SLC6A16: variants seen among roughly 807,000 people sequenced by gnomAD.
SLC6A16 encodes orphan sodium- and chloride-dependent neurotransmitter transporter NTT5.
SLC6A16 carries 54 observed loss-of-function variants against 65.4 expected under a neutral mutation model. The observed-to-expected ratio is 0.83, with a 90% CI of 0.66 to 1.04. The LOEUF (loss-of-function observed/expected upper bound fraction) is 1.04. Ranked by LOEUF, SLC6A16 falls within the 50% of genes least tolerant of loss-of-function variation. The probability of loss-of-function intolerance (pLI) is 0.00; values close to 1 mark genes in which losing one functional copy is unlikely to be tolerated. For synonymous variants in SLC6A16, 330 were observed against 346.5 expected, an observed-to-expected ratio of 0.95 and a Z score of 0.53; for missense variants, 816 against 914.0, an observed-to-expected ratio of 0.89 and a Z score of 1.38.
chr19:49,335,917 G>A, the SLC6A16 span: 15 of 740,144 alleles, frequency 2.0e-5, no homozygotes, highest in East Asian at 1.2e-4. The surrounding 1 kb of genome is among the most constrained non-coding windows in gnomAD (Gnocchi z 4.6). Flanking sequence ...ACTGCTCACC[G>A]GAGGCTTCTT....
intron 7 of SLC6A16, among the ~76,000 whole-genome samples, chr19:49,299,378 ACT>A (rs1214901503): frequency 6.6e-6 from 1 of 150,848 alleles, no homozygotes; most frequent in Non-Finnish European, 1.5e-5. Flanking sequence ...ACATGAGGAA[ACT>A]CTGTCTCTAC....
At chr19:49,309,546 G>T in intron 5 of SLC6A16, 105 bp downstream of exon 5, 1 of 1,275,210 alleles carries the variant, frequency 7.8e-7, no homozygotes, top group South Asian at 1.3e-5. Flanking sequence ...GGGGCTAGGG[G>T]AGTAAAAGCC....
intron 7 of SLC6A16, among the ~76,000 whole-genome samples, chr19:49,306,434 AC>A (rs1273446993): frequency 2.0e-5 from 3 of 152,178 alleles, no homozygotes; most frequent in Non-Finnish European, 2.9e-5. Context: ...AAATAACTAA[AC>A]ATATTGCTTT....
intron 1 of SLC6A16, among the ~76,000 whole-genome samples, chr19:49,320,130 C>T (rs867294803): frequency 3.9e-5 from 6 of 152,064 alleles, no homozygotes; most frequent in Non-Finnish European, 5.9e-5. Flanking sequence ...AAAAAGAGGC[C>T]GGATGCAGTG....
rs1307216622 is a variant in SLC6A16, at chr19:49,290,052, C to T, written c.*71G>A. 1 of 1,475,764 alleles carries T rather than the reference C, an allele frequency of 6.8e-7. No homozygotes were observed. Among genetic ancestry groups the T allele is most frequent in the East Asian group, 2.3e-5 (1 of 43,938 alleles). The allele number at this position is 1,475,764 out of a possible 1,614,324, so 91.4% of individuals were successfully genotyped here. On this transcript the variant is annotated 3_prime_UTR_variant, in exon 12 of 12. Transcript: ENST00000335875. ...CTGGATCCAGGGAGATCAACAGTTG[C>T]AAGCTGATATTAAGAGTTGTCTATT...
At chr19:49,302,248 G>C (rs972124319) in intron 7 of SLC6A16, among the ~76,000 whole-genome samples, 4 of 152,158 alleles carry the variant, frequency 2.6e-5, no homozygotes, top group African/African-American at 9.7e-5. Flanking sequence ...ACTGACCCCA[G>C]CCTCCACTGC....
the SLC6A16 span, among the ~76,000 whole-genome samples, chr19:49,333,433 T>C: frequency 1.3e-5 from 2 of 152,190 alleles, no homozygotes; most frequent in African/African-American, 4.8e-5. Context: ...ATTGCACCAC[T>C]GTACTCCAGC....
chr19:49,332,057 G>T, the SLC6A16 span: 3 of 454,964 alleles, frequency 6.6e-6, no homozygotes, highest in Non-Finnish European at 1.3e-5. Context: ...TTCTCACATG[G>T]TTCTGTAGGC....
At chr19:49,307,523 T>C (rs1273714908) in intron 7 of SLC6A16, among the ~76,000 whole-genome samples, 2 of 151,852 alleles carry the variant, frequency 1.3e-5, no homozygotes, top group African/African-American at 4.8e-5. Context: ...TGGTGGTTAT[T>C]TGTGAGGGTT....
chr19:49,340,044 ACCC>A, the SLC6A16 span: 1 of 1,494,724 alleles, frequency 6.7e-7, no homozygotes, highest in East Asian at 2.5e-5. Flanking sequence ...CTCAGCCTCT[ACCC>A]CCACTTGTAG....
chr19:49,329,143 A>AG (rs1206164772), upstream of SLC6A16, among the ~76,000 whole-genome samples: 3 of 152,054 alleles, frequency 2.0e-5, no homozygotes, highest in African/African-American at 7.2e-5. Context: ...CCCAGGCTGC[A>AG]GTGCAGTGGT....
chr19:49,325,156 C>A lies in SLC6A16; in HGVS notation c.-173G>T, dbSNP rs1046801945. 15 of 985,396 alleles carry A rather than the reference C, an allele frequency of 1.5e-5. No individual in the cohort carries two copies. The highest frequency in any genetic ancestry group is 1.8e-5 in the Non-Finnish European group (15 of 829,976). The allele number at this position is 985,396 out of a possible 1,614,324, so 61.0% of individuals were successfully genotyped here. ...AGCAATCTCCTCAGGCCCCTTCAGG[C>A]GTCGACAGATCGGTTTGGGCGACAC... On this transcript the variant is annotated 5_prime_UTR_variant, in exon 1 of 12. Coordinates refer to ENST00000335875, the MANE Select transcript of SLC6A16 (RefSeq NM_014037.3).
In SLC6A16 at chr19:49,290,030, G is replaced by T; in HGVS notation, c.*93C>A. 1 of 1,350,254 alleles carries T rather than the reference G, an allele frequency of 7.4e-7. No homozygotes were observed. Among genetic ancestry groups the T allele is most frequent in the Non-Finnish European group, 1.0e-6 (1 of 979,956 alleles). The allele number at this position is 1,350,254 out of a possible 1,614,324, so 83.6% of individuals were successfully genotyped here. ...CCTCTTGGAAATAAAAGTGGTTCTG[G>T]ATCCAGGGAGATCAACAGTTGCAAG... is the stretch of plus-strand genomic sequence containing the variant. On this transcript the variant is annotated 3_prime_UTR_variant, in exon 12 of 12. Transcript: ENST00000335875.
At chr19:49,295,998 CT>C (rs947601767) in intron 7 of SLC6A16, among the ~76,000 whole-genome samples, 1 of 151,346 alleles carries the variant, frequency 6.6e-6, no homozygotes. Flanking sequence ...TTTTCTTTTT[CT>C]TTTTTTTTGA....
chr19:49,337,532 G>T, the SLC6A16 span: 1 of 860,220 alleles, frequency 1.2e-6, no homozygotes, highest in Middle Eastern at 2.5e-4. Flanking sequence ...CGAGGTGGGA[G>T]GATCACTTGA....
At chr19:49,293,193 C>G in intron 10 of SLC6A16, 30 bp downstream of exon 10, 1 of 1,612,256 alleles carries the variant, frequency 6.2e-7, no homozygotes, top group Non-Finnish European at 8.5e-7. Flanking sequence ...TAGTCCCATG[C>G]TTTGTGAGAA....
At chr19:49,307,733 A>AAAAAAAG (rs1970423213) in intron 7 of SLC6A16, among the ~76,000 whole-genome samples, 2 of 113,424 alleles carry the variant, frequency 1.8e-5, no homozygotes, top group African/African-American at 6.8e-5. Flanking sequence ...GCAAAAAAAA[A>AAAAAAAG]GAAAAAGAAA....
intron 1 of SLC6A16, among the ~76,000 whole-genome samples, chr19:49,315,414 G>A (rs960428629): frequency 6.6e-5 from 10 of 152,180 alleles, no homozygotes; most frequent in Admixed American, 6.5e-4. Context: ...GTCTCCCTGA[G>A]ACAAATGATG....
rs1232947820 is a variant in SLC6A16 at position 49,309,304 on chromosome 19, G to A, written c.984C>T (p.Ala328=). 1.2e-6 allele frequency: 2 copies of A among 1,610,140 alleles called. No homozygotes were observed. Among genetic ancestry groups the A allele is most frequent in the African/African-American group, 2.7e-5 (2 of 74,812 alleles). The change falls in exon 6 of 12, where the codon GCC becomes GCT. Residue 328 remains alanine, a synonymous_variant. Transcript: ENST00000335875. ...GGAGTGAGGAGATAGATTTCACCTT[G>A]GCAACCACCAACTGTTGAAGGCCAA... ...AKFGLQQLVV[A]KISDVYNMSV...
Sources: gnomAD v4.1 joint callset for allele counts (sites outside exome capture counted in the v4.1 genomes callset) on GRCh38, gnomAD v4.1.1 for gene constraint, Gnocchi (gnomAD v3.1) non-coding constraint, MANE v1.5 for transcripts, NCBI Gene and HGNC (gene_info 2026-07-23, HGNC 2026-07-21) for gene names.